The following MICU1 variants were observed in gnomAD, a reference collection of about 807,000 sequenced individuals.
MICU1 encodes calcium uptake protein 1, mitochondrial.
In MICU1, 45 loss-of-function variants were observed where a neutral mutation model predicts 56.8. The ratio of observed to expected loss-of-function variants is 0.79; its 90% CI spans 0.62 to 1.02. The LOEUF is 1.02. Ranked by LOEUF, MICU1 falls within the 50% of genes least tolerant of loss-of-function variation. MICU1 has a pLI of 0.00. For missense variants in MICU1, 504 were observed against 587.1 expected (o/e 0.86, Z 1.46); for synonymous variants, 186 against 195.1 (o/e 0.95, Z 0.39).
At chr10:72,614,974 C>T (rs1841941697) in intron 1 of MICU1, among the ~76,000 whole-genome samples, 2 of 152,310 alleles carry the variant, frequency 1.3e-5, no homozygotes, top group Admixed American at 6.5e-5. Flanking sequence ...GCATACAATT[C>T]AGTGGCATAT....
chr10:72,526,932 CAAA>C lies in MICU1; in HGVS notation c.537+6811_537+6813del, dbSNP rs57033966. Among the ~76,000 whole-genome samples the C allele has an allele frequency of 6.9e-3, 876 of 127,608 alleles. 8 individuals are homozygous for C. Among genetic ancestry groups the C allele is most frequent in the African/African-American group, 0.027 (838 of 30,740 alleles). The allele number at this position is 127,608 out of a possible 152,430, so 83.7% of individuals were successfully genotyped here. ...GTGCTTACTTTAAGAGTAATGGCTT[CAAA>C]AAAAAAAAAAAAAAAAAGAAAGCAC... On this transcript the variant is annotated intron_variant, in intron 5 of 11. Transcript: ENST00000361114.
At chr10:72,590,960 G>A (rs1239588051) in intron 1 of MICU1, among the ~76,000 whole-genome samples, 1 of 151,458 alleles carries the variant, frequency 6.6e-6, no homozygotes, top group Middle Eastern at 3.3e-3. Flanking sequence ...AGGGTACGTG[G>A]AACATTTACC....
rs116728811 is a variant in MICU1, at chr10:72,611,671, G to A, written c.-2+14339C>T. On this transcript the variant is annotated intron_variant, in intron 1 of 11. Transcript: ENST00000361114. ...AGAAAGAAAAAAACCCAGTTTTGAC[G>A]AGAGGTACATGGTCTGCCCCAATAC... Among the ~76,000 whole-genome samples, 1,168 of 152,190 alleles carry A rather than the reference G, an allele frequency of 7.7e-3. 19 individuals are homozygous for A. The highest frequency in any genetic ancestry group is 0.027 in the African/African-American group (1,103 of 41,520).
intron 1 of MICU1, among the ~76,000 whole-genome samples, chr10:72,606,167 A>G (rs1222137094): frequency 6.6e-6 from 1 of 151,808 alleles, no homozygotes; most frequent in Admixed American, 6.6e-5. Context: ...AAAATGTTAC[A>G]TAACTATGTA....
At chr10:72,540,426 C>T (rs766640046) in intron 4 of MICU1, among the ~76,000 whole-genome samples, 18 of 151,372 alleles carry the variant, frequency 1.2e-4, no homozygotes, top group Non-Finnish European at 8.8e-5. Context: ...ATAATCCCAG[C>T]AGTTTGGAAG....
chr10:72,395,906 C>A (rs1863240216), intron 10 of MICU1, among the ~76,000 whole-genome samples: 1 of 152,244 alleles, frequency 6.6e-6, no homozygotes, highest in African/African-American at 2.4e-5. Context: ...CCCTGTCTGA[C>A]AGCTCTGAAG....
intron 5 of MICU1, among the ~76,000 whole-genome samples, chr10:72,512,029 T>A (rs940303779): frequency 6.6e-6 from 1 of 151,374 alleles, no homozygotes; most frequent in Non-Finnish European, 1.5e-5. Flanking sequence ...CAAGTTGACA[T>A]TTAAAATTAC....
chr10:72,549,025 T>C lies in MICU1; in HGVS notation c.493+2154A>G, dbSNP rs184220349. The stretch of plus-strand genomic sequence containing the variant: ...AACCAAAAATTTTAAATAGCAAATT[T>C]CATACATTTTGGAGGGGTGATGGTT... On this transcript the variant is annotated intron_variant, in intron 4 of 11. Transcript: ENST00000361114. Among the ~76,000 whole-genome samples the C allele has an allele frequency of 9.4e-4, 143 of 152,276 alleles. 3 individuals carry two copies. The highest frequency in any genetic ancestry group is 2.9e-3 in the African/African-American group (119 of 41,568).
intron 11 of MICU1, among the ~76,000 whole-genome samples, chr10:72,372,928 A>T (rs1191023450): frequency 2.6e-5 from 4 of 151,768 alleles, no homozygotes; most frequent in Non-Finnish European, 5.9e-5. Flanking sequence ...AAAAAAAAAA[A>T]AGAAAAAAGA....
intron 6 of MICU1, among the ~76,000 whole-genome samples, chr10:72,496,964 A>T (rs1311472199): frequency 6.6e-6 from 1 of 152,186 alleles, no homozygotes; most frequent in East Asian, 1.9e-4. Context: ...CTTCTCCAAA[A>T]CAGGCAGTAT....
At chr10:72,497,455 G>A (rs908579075) in intron 6 of MICU1, among the ~76,000 whole-genome samples, 8 of 152,150 alleles carry the variant, frequency 5.3e-5, no homozygotes, top group Admixed American at 3.9e-4. Context: ...GGGTTTAAAT[G>A]AAAGGTCCAG....
At chr10:72,411,413 C>T (rs1477469447) in intron 9 of MICU1, among the ~76,000 whole-genome samples, 4 of 151,928 alleles carry the variant, frequency 2.6e-5, no homozygotes, top group African/African-American at 7.2e-5. Context: ...CTGCAAGTTC[C>T]GCCTCCCGGG....
At chr10:72,405,381 A>C (rs768854512) in intron 10 of MICU1, among the ~76,000 whole-genome samples, 3 of 151,612 alleles carry the variant, frequency 2.0e-5, no homozygotes, top group Admixed American at 1.3e-4. Context: ...CACCATGCCC[A>C]GCTAATTTTT....
chr10:72,378,366 C>T (rs1862594623), intron 10 of MICU1, among the ~76,000 whole-genome samples: 1 of 152,130 alleles, frequency 6.6e-6, no homozygotes, highest in South Asian at 2.1e-4. Flanking sequence ...CAGATTTCCC[C>T]CTTGCTGTTC....
chr10:72,438,874 C>A (rs1285694389), intron 8 of MICU1, among the ~76,000 whole-genome samples: 1 of 152,148 alleles, frequency 6.6e-6, no homozygotes, highest in African/African-American at 2.4e-5. Context: ...TCTGAATAGA[C>A]CAATAACAGG....
rs569488072 is a variant in MICU1 at position 72,420,501 on chromosome 10, T to G, written c.1071+2733A>C. Among the ~76,000 whole-genome samples, 5 of 152,328 alleles carry G rather than the reference T, an allele frequency of 3.3e-5. No homozygotes were observed. In the South Asian group the frequency reaches 1.0e-3, roughly 32 times the overall value. ...CTTTATTAGCAGCATGAGAATGGAC[T>G]AATACACTTGGAAATCTCTCATGGA... On this transcript the variant is annotated intron_variant, in intron 9 of 11. Transcript: ENST00000361114.
At chr10:72,558,762 AAAAC>A (rs1442131952) in intron 3 of MICU1, among the ~76,000 whole-genome samples, 5 of 152,214 alleles carry the variant, frequency 3.3e-5, no homozygotes, top group African/African-American at 4.8e-5. Flanking sequence ...AAAAGTAAGC[AAAAC>A]AAACAAATTA....
chr10:72,497,082 T>C (rs371968200), intron 6 of MICU1, among the ~76,000 whole-genome samples: 2 of 151,716 alleles, frequency 1.3e-5, no homozygotes, highest in Non-Finnish European at 2.9e-5. Flanking sequence ...TTTTTTGAGA[T>C]GGAGTCTCAC....
intron 8 of MICU1, among the ~76,000 whole-genome samples, chr10:72,460,323 T>G (rs964058599): frequency 6.6e-6 from 1 of 152,176 alleles, no homozygotes; most frequent in African/African-American, 2.4e-5. Flanking sequence ...AATGTACTTT[T>G]GTTTTTATTT....
Sources: allele counts gnomAD v4.1 joint callset (sites outside exome capture counted in the v4.1 genomes callset), GRCh38; gene constraint gnomAD v4.1.1; transcripts MANE v1.5; gene names NCBI Gene and HGNC (gene_info 2026-07-23, HGNC 2026-07-21).